POC1A: variants seen among roughly 807,000 people sequenced by gnomAD.
POC1A encodes the protein POC1 centriolar protein homolog A.
Under a neutral mutation model 47.8 loss-of-function variants are expected in POC1A, and 34 were observed. The ratio of observed to expected loss-of-function variants is 0.71; its 90% CI spans 0.54 to 0.95. POC1A has a LOEUF of 0.95. POC1A is among the 40% of genes least tolerant of loss of function. The pLI is 0.00. For synonymous variants in POC1A, 177 were observed against 207.6 expected (o/e 0.85, Z 1.27); for missense variants, 466 against 528.3 (o/e 0.88, Z 1.16).
intron 10 of POC1A, among the ~76,000 whole-genome samples, chr3:52,081,349 C>T (rs906070243): frequency 6.6e-6 from 1 of 152,212 alleles, no homozygotes; most frequent in African/African-American, 2.4e-5. Context: ...CTCGCTCTTC[C>T]CTTACTCAAA....
At chr3:52,131,533 C>T (rs1401836689) in intron 7 of POC1A, among the ~76,000 whole-genome samples, 2 of 152,202 alleles carry the variant, frequency 1.3e-5, no homozygotes, top group Non-Finnish European at 2.9e-5. Flanking sequence ...GGCACCAGTG[C>T]CACCACGCGG....
chr3:52,152,864 G>A (rs1698601481), intron 1 of POC1A, among the ~76,000 whole-genome samples: 2 of 152,202 alleles, frequency 1.3e-5, no homozygotes, highest in African/African-American at 4.8e-5. Context: ...GCTGCAACAT[G>A]GATGAACCTT....
intron 10 of POC1A, among the ~76,000 whole-genome samples, chr3:52,080,594 T>C (rs1459692243): frequency 1.3e-5 from 2 of 152,086 alleles, no homozygotes; most frequent in Non-Finnish European, 2.9e-5. Context: ...ACAAAGGTCA[T>C]AAGGATAATT....
intron 1 of POC1A, 118 bp downstream of exon 1, chr3:52,154,237 G>T: frequency 8.9e-7 from 1 of 1,129,150 alleles, no homozygotes; most frequent in Non-Finnish European, 1.3e-6. Context: ...GACCTGAAGA[G>T]GACCACCCTG....
intron 9 of POC1A, among the ~76,000 whole-genome samples, chr3:52,106,244 CG>C (rs1490329940): frequency 2.0e-5 from 3 of 151,026 alleles, no homozygotes; most frequent in Non-Finnish European, 4.4e-5. Flanking sequence ...ACAGTCCACA[CG>C]GTAACCTCCA....
At chr3:52,097,554 G>A (rs922826275) in intron 9 of POC1A, among the ~76,000 whole-genome samples, 2 of 152,234 alleles carry the variant, frequency 1.3e-5, no homozygotes, top group East Asian at 1.9e-4. Context: ...CAAGGGCAGG[G>A]CTGGTCTTAG....
At chr3:52,142,678 C>A (rs1172072671) in intron 6 of POC1A, among the ~76,000 whole-genome samples, 1 of 152,202 alleles carries the variant, frequency 6.6e-6, no homozygotes, top group Non-Finnish European at 1.5e-5. Context: ...CTAGGGGAGA[C>A]ACTGCACGTC....
rs915824368 is a variant in POC1A, at chr3:52,079,076, G to C, written c.1126-3091C>G. Among the ~76,000 whole-genome samples, 4 of 152,234 alleles carry C rather than the reference G, an allele frequency of 2.6e-5. No homozygotes were observed. The highest frequency in any genetic ancestry group is 9.6e-5 in the African/African-American group (4 of 41,466). On this transcript the variant is annotated intron_variant, in intron 10 of 10. Coordinates refer to ENST00000296484, the MANE Select transcript of POC1A (RefSeq NM_015426.5). The surrounding 1 kb of genome is among the most constrained non-coding windows in gnomAD (Gnocchi z 4.6). ...AGGAGGGCAGGAGAGCATCTGAGGT[G>C]GCAGAAGGGGTGTGTGGGGAGTACC...
intron 7 of POC1A, among the ~76,000 whole-genome samples, chr3:52,133,286 C>A (rs1704304507): frequency 6.6e-6 from 1 of 152,264 alleles, no homozygotes; most frequent in South Asian, 2.1e-4. Context: ...CAGAGGGCAG[C>A]CTTCCCCAAC....
intron 9 of POC1A, among the ~76,000 whole-genome samples, chr3:52,113,121 G>A (rs557680140): frequency 2.6e-4 from 40 of 152,322 alleles, no homozygotes; most frequent in African/African-American, 9.4e-4. Context: ...TCACTGCCTG[G>A]GAAGCCCAGC....
intron 10 of POC1A, among the ~76,000 whole-genome samples, chr3:52,088,192 C>A (rs1166690838): frequency 6.6e-6 from 1 of 152,114 alleles, no homozygotes; most frequent in Non-Finnish European, 1.5e-5. Flanking sequence ...CAGCTACCAC[C>A]CAACAAGGCC....
At chr3:52,097,002 C>T (rs886330660) in intron 9 of POC1A, among the ~76,000 whole-genome samples, 1 of 152,256 alleles carries the variant, frequency 6.6e-6, no homozygotes, top group Non-Finnish European at 1.5e-5. Flanking sequence ...GTGGCCTCAG[C>T]CTGCTCTTGG....
intron 10 of POC1A, among the ~76,000 whole-genome samples, chr3:52,093,051 C>T (rs2106961140): frequency 6.6e-6 from 1 of 152,318 alleles, no homozygotes; most frequent in East Asian, 1.9e-4. Context: ...CCCATCTCCA[C>T]TCTACCCCAG....
At chr3:52,096,350 T>C (rs1181352525) in intron 10 of POC1A, among the ~76,000 whole-genome samples, 3 of 152,244 alleles carry the variant, frequency 2.0e-5, no homozygotes, top group Admixed American at 6.5e-5. Flanking sequence ...GTACCCAGCA[T>C]TGGGGATTTT....
chr3:52,104,257 C>T (rs1478957717), intron 9 of POC1A, among the ~76,000 whole-genome samples: 1 of 152,090 alleles, frequency 6.6e-6, no homozygotes, highest in African/African-American at 2.4e-5. Context: ...ATATCATAGT[C>T]TAAAAAATAC....
chr3:52,154,328 T>C (rs1698655337), intron 1 of POC1A, 27 bp downstream of exon 1: 2 of 1,559,728 alleles, frequency 1.3e-6, no homozygotes, highest in Non-Finnish European at 8.7e-7. Context: ...GACTGAGGCC[T>C]GGGGAGTTGC....
At chr3:52,111,835 G>A (rs1361523975) in intron 9 of POC1A, among the ~76,000 whole-genome samples, 1 of 152,078 alleles carries the variant, frequency 6.6e-6, no homozygotes, top group East Asian at 1.9e-4. Flanking sequence ...ACATGTGCAG[G>A]GTGAGAAGTG....
At chr3:52,127,939 A>G (rs1577887537) in intron 7 of POC1A, among the ~76,000 whole-genome samples, 1 of 151,702 alleles carries the variant, frequency 6.6e-6, no homozygotes, top group African/African-American at 2.4e-5. Context: ...CAAGTGATCC[A>G]CCCTCCTCAG....
chr3:52,140,052 C>T (rs943845845), intron 6 of POC1A, among the ~76,000 whole-genome samples: 2 of 152,152 alleles, frequency 1.3e-5, no homozygotes, highest in African/African-American at 2.4e-5. Context: ...CAAAACCAAC[C>T]GTCATCTTAG....
Sources: allele counts gnomAD v4.1 joint callset (sites outside exome capture counted in the v4.1 genomes callset), GRCh38; gene constraint gnomAD v4.1.1; non-coding constraint Gnocchi (gnomAD v3.1); transcripts MANE v1.5; gene names NCBI Gene and HGNC (gene_info 2026-07-23, HGNC 2026-07-21).